ANKRD28: variants seen among roughly 807,000 people sequenced by gnomAD.
ANKRD28 encodes ankyrin repeat domain 28, also known as serine/threonine-protein phosphatase 6 regulatory ankyrin repeat subunit A.
A neutral mutation model predicts 126.5 loss-of-function variants in ANKRD28; 44 were observed. The ratio of observed to expected loss-of-function variants is 0.35; its 90% confidence interval spans 0.27 to 0.45. The LOEUF (loss-of-function observed/expected upper bound fraction) is 0.45, where lower values mean the gene tolerates loss of function less well. ANKRD28 is among the 20% of genes least tolerant of loss of function. The pLI, the probability that ANKRD28 is intolerant of heterozygous loss-of-function variation, is 1.00. For missense variants in ANKRD28, 1,110 were observed against 1,316.6 expected (o/e 0.84, Z 2.43); for synonymous variants, 442 against 468.5 (o/e 0.94, Z 0.73).
At chr3:15,676,379 C>G (rs1373541838) in intron 26 of ANKRD28, among the ~76,000 whole-genome samples, 1 of 152,168 alleles carries the variant, frequency 6.6e-6, no homozygotes, top group Admixed American at 6.5e-5. Context: ...AGCATAAATT[C>G]TAATAGGCTT....
intron 4 of ANKRD28, among the ~76,000 whole-genome samples, chr3:15,747,816 T>A (rs2057581704): frequency 6.6e-6 from 1 of 152,196 alleles, no homozygotes; most frequent in Non-Finnish European, 1.5e-5. Flanking sequence ...ACTATTATTG[T>A]GTTGCTCTCT....
At position 15,797,291 on chromosome 3, in the gene ANKRD28, G is replaced by T; in HGVS notation, c.-770C>A. 1.0e-6 allele frequency: 1 copy of T among 984,554 alleles called. No individual in the cohort carries two copies. Among genetic ancestry groups the T allele is most frequent in the Non-Finnish European group, 1.2e-6 (1 of 829,820 alleles). The allele number at this position is 984,554 out of a possible 1,614,324, so 61.0% of individuals were successfully genotyped here. A position where few individuals can be genotyped will look rare whatever the true frequency, so the allele number is the denominator to read the frequency against. ...TGAGTCAGACCACAAGAGACAATACGACTCTTGGTACTAGAATACAGCTTG... is the reference window on the plus strand; with the variant it reads ...TGAGTCAGACCACAAGAGACAATACTACTCTTGGTACTAGAATACAGCTTG... On this transcript the variant is annotated 5_prime_UTR_variant, in exon 1 of 28. Transcript: ENST00000683139.
chr3:15,685,316 C>T lies in ANKRD28; in HGVS notation c.2299G>A (p.Ala767Thr), dbSNP rs747281207. The T allele has an allele frequency of 5.3e-5, 86 of 1,613,858 alleles. No homozygotes were observed. Among genetic ancestry groups the T allele is most frequent in the Admixed American group, 1.5e-4 (9 of 60,006 alleles). ...ATAGATGCTGCTGACTGCAAAAGGG[C>T]TCCAAGAACACCAATGTGTCCACAG... ...AACGHIGVLG[A>T]LLQSAASMDA... is the part of the protein sequence containing the mutation. Residue 767 changes from alanine (A) to threonine (T), a missense_variant, in exon 21 of 28, where the codon GCC (alanine) becomes ACC (threonine). By Grantham distance (58) the Ala-to-Thr change is moderately conservative. Transcript: ENST00000683139.
chr3:15,813,065 T>A (rs1000711127), intron 1 of ANKRD28, among the ~76,000 whole-genome samples: 15 of 141,974 alleles, frequency 1.1e-4, no homozygotes, highest in Admixed American at 4.1e-4. Flanking sequence ...TTTTTTTTTT[T>A]AGAGAAAAAA....
At chr3:15,687,862 A>C (rs2068322031) in intron 18 of ANKRD28, among the ~76,000 whole-genome samples, 1 of 152,158 alleles carries the variant, frequency 6.6e-6, no homozygotes, top group Non-Finnish European at 1.5e-5. Flanking sequence ...CTACTGATGA[A>C]TGTTTGTGTC....
At chr3:15,790,784 T>C (rs147509982) in intron 2 of ANKRD28, among the ~76,000 whole-genome samples, 2 of 152,112 alleles carry the variant, frequency 1.3e-5, no homozygotes, top group East Asian at 3.9e-4. Context: ...GGAAGTCCTA[T>C]CTAGCTCAAT....
At chr3:15,810,433 G>A (rs1296655866) in intron 1 of ANKRD28, among the ~76,000 whole-genome samples, 2 of 151,928 alleles carry the variant, frequency 1.3e-5, no homozygotes, top group Non-Finnish European at 2.9e-5. Context: ...TACAACAAAA[G>A]ACTGAAAATT....
intron 14 of ANKRD28, 31 bp downstream of exon 14, chr3:15,707,893 G>A (rs998800723): frequency 2.5e-6 from 4 of 1,583,612 alleles, no homozygotes; most frequent in Middle Eastern, 1.7e-4. Flanking sequence ...TAGAAATATT[G>A]ATCCTCCACT....
At position 15,729,050 on chromosome 3, in the gene ANKRD28, C is replaced by T. The variant is rs144882404; in HGVS notation, c.641-4526G>A. Among the ~76,000 whole-genome samples, 1,320 of 152,212 alleles carry T rather than the reference C, an allele frequency of 8.7e-3. 19 individuals are homozygous for T. Among genetic ancestry groups the T allele is most frequent in the Middle Eastern group, 0.054 (16 of 294 alleles). On this transcript the variant is annotated intron_variant, in intron 6 of 27. Coordinates refer to ENST00000683139, the MANE Select transcript of ANKRD28 (RefSeq NM_001349278.2). ...CTGGTCACTGTGCCAGAAAGGGAAACAGACTGCAGAGTTTCCCATCAGTAA... is the reference window on the plus strand; with the variant it reads ...CTGGTCACTGTGCCAGAAAGGGAAATAGACTGCAGAGTTTCCCATCAGTAA...
chr3:15,857,915 T>G (rs148203777), intron 1 of ANKRD28, among the ~76,000 whole-genome samples: 3 of 152,344 alleles, frequency 2.0e-5, no homozygotes, highest in East Asian at 3.9e-4. Flanking sequence ...CAAAGTGCCA[T>G]TTGACTGGTA....
rs2060272504 is a variant in ANKRD28, at chr3:15,796,329, C to T, written c.117+76G>A. 4 of 870,276 alleles carry T rather than the reference C, an allele frequency of 4.6e-6. No individual in the cohort carries two copies. In the South Asian group the frequency reaches 6.8e-5, roughly 15 times the overall value. 53.9% of individuals were successfully genotyped at this position (870,276 alleles called of 1,614,324 possible). A position where few individuals can be genotyped will look rare whatever the true frequency, so the allele number is the denominator to read the frequency against. On this transcript the variant is annotated intron_variant, in intron 1 of 27. Coordinates refer to ENST00000683139, the MANE Select transcript of ANKRD28 (RefSeq NM_001349278.2). ...TTGTAAAGAAACTATTGGAAATTTA[C>T]ATCTATTCTTAAAAAACAAGATTTA...
intron 6 of ANKRD28, among the ~76,000 whole-genome samples, chr3:15,734,857 A>T (rs2074912262): frequency 6.6e-6 from 1 of 152,046 alleles, no homozygotes; most frequent in African/African-American, 2.4e-5. Flanking sequence ...TGGGTGGTCT[A>T]CCCCAGGCCT....
At position 15,667,246 on chromosome 3, in the gene ANKRD28, T is replaced by C. The variant is rs1345048437; in HGVS notation, c.*3024A>G. The C allele has an allele frequency of 6.6e-6, 1 of 152,244 alleles. No individual in the cohort carries two copies. Among genetic ancestry groups the C allele is most frequent in the Admixed American group, 6.5e-5 (1 of 15,288 alleles). 9.4% of individuals were successfully genotyped at this position (152,244 alleles called of 1,614,324 possible). On this transcript the variant is annotated 3_prime_UTR_variant, in exon 28 of 28. Transcript: ENST00000683139. ...GAGACAGACACTTGATTTATTGCAT[T>C]AAAAAACTTTATTTCTTTTAAAAGG...
Position 15,735,417 on chromosome 3 carries a change from T to C in ANKRD28, c.633A>G (p.Ala211=). 1 of 1,555,596 alleles carries C rather than the reference T, an allele frequency of 6.4e-7. No homozygotes were observed. Among genetic ancestry groups the C allele is most frequent in the Non-Finnish European group, 8.7e-7 (1 of 1,148,526 alleles). Residue 211 remains alanine (A), a synonymous_variant, in exon 6 of 28, where the codon GCA becomes GCG. Coordinates refer to ENST00000683139, the MANE Select transcript of ANKRD28 (RefSeq NM_001349278.2). The stretch of plus-strand genomic sequence containing the variant: ...AATTTAAAAAGTACATACCCATATA[T>C]GCTGCCCAATGGATAGCACGCCTAT... ...KKDRRAIHWA[A]YMGHIEVVKL... is the part of the protein sequence containing the mutation.
Position 15,856,224 on chromosome 3 carries a change from A to G in ANKRD28, c.27+3153T>C, listed in dbSNP as rs370015475. Among the ~76,000 whole-genome samples the G allele has an allele frequency of 4.6e-5, 7 of 152,302 alleles. No homozygotes were observed. The East Asian group carries it at 1.3e-3, about 29-fold the overall frequency. ...ATGGAGTTCTAAAAATGCTAGGCAC[A>G]CCAGCACTGCAACAATGGCTTGAAG... On this transcript the variant is annotated intron_variant, in intron 1 of 27. Transcript: ENST00000399451.
chr3:15,805,001 C>T lies in ANKRD28; in HGVS notation c.28-9695G>A, dbSNP rs1218409380. On this transcript the variant is annotated intron_variant, in intron 1 of 27. Transcript: ENST00000399451. ...CTGACTTTGCGCTCTTTCCTCCTCC[C>T]AACACACATGTACTTACGTAGCAGG... Among the ~76,000 whole-genome samples the T allele has an allele frequency of 2.8e-5, 4 of 145,182 alleles. 1 individual carries two copies. The highest frequency in any genetic ancestry group is 1.0e-4 in the African/African-American group (4 of 38,710).
In ANKRD28 at chr3:15,844,410, A is replaced by C. The variant is rs559389115; in HGVS notation, c.27+14967T>G. Among the ~76,000 whole-genome samples, 131 of 152,276 alleles carry C rather than the reference A, an allele frequency of 8.6e-4. 1 individual carries two copies. The Middle Eastern group carries it at 0.017, about 20-fold the overall frequency. On this transcript the variant is annotated intron_variant, in intron 1 of 27. Coordinates refer to the ANKRD28 transcript ENST00000399451. ...GAGTTCAGATTCACTGTAGGTAAAG[A>C]AGTGGGAGAACTGACAATGAAAAAA...
chr3:15,762,338 T>A (rs968015345), intron 3 of ANKRD28, among the ~76,000 whole-genome samples: 1 of 152,180 alleles, frequency 6.6e-6, no homozygotes, highest in Non-Finnish European at 1.5e-5. Flanking sequence ...ACATCCTGAT[T>A]ACTACCTATC....
At chr3:15,693,620 C>T (rs2069122282) in intron 17 of ANKRD28, among the ~76,000 whole-genome samples, 4 of 152,130 alleles carry the variant, frequency 2.6e-5, no homozygotes, top group Non-Finnish European at 5.9e-5. Context: ...GCTGCTGCTG[C>T]TGCTGCTAAT....
Sources: gnomAD v4.1 joint callset for allele counts (sites outside exome capture counted in the v4.1 genomes callset) on GRCh38, gnomAD v4.1.1 for gene constraint, MANE v1.5 for transcripts, NCBI Gene and HGNC (gene_info 2026-07-23, HGNC 2026-07-21) for gene names.